Variants in CLVS1 observed in about 807,000 individuals in gnomAD.
CLVS1 encodes the protein clavesin-1.
Under a neutral mutation model 33.1 loss-of-function variants are expected in CLVS1, and 10 were observed. The observed-to-expected ratio is 0.30, with a 90% confidence interval of 0.19 to 0.51. CLVS1 has a LOEUF of 0.51. CLVS1 is among the 20% of genes least tolerant of loss of function. The probability of loss-of-function intolerance (pLI) is 0.97; values close to 1 mark genes in which losing one functional copy is unlikely to be tolerated. For missense variants in CLVS1, 343 were observed against 433.4 expected (o/e 0.79, Z 1.85); for synonymous variants, 163 against 166.1 (o/e 0.98, Z 0.14).
chr8:60,987,145 G>A, the CLVS1 span, among the ~76,000 whole-genome samples: 51 of 152,218 alleles, frequency 3.4e-4, no homozygotes, highest in Non-Finnish European at 8.8e-5. Flanking sequence ...AACGTGATGA[G>A]CGCTGTGATA....
chr8:61,357,483 C>CTTTTTGTTTTGTTTTT, intron 2 of CLVS1, among the ~76,000 whole-genome samples: 1 of 71,502 alleles, frequency 1.4e-5, no homozygotes, highest in South Asian at 5.4e-4. Flanking sequence ...TTTTTCTTTC[C>CTTTTTGTTTTGTTTTT]TTTTTCTTTT....
the CLVS1 span, among the ~76,000 whole-genome samples, chr8:61,036,515 C>T: frequency 1.3e-5 from 2 of 152,202 alleles, no homozygotes; most frequent in African/African-American, 4.8e-5. Flanking sequence ...GGGGCCAAAT[C>T]GTTGACTATG....
chr8:61,495,570 T>C lies in CLVS1; in HGVS notation c.978-3885T>C, dbSNP rs149442709. On this transcript the variant is annotated intron_variant, in intron 5 of 5. Coordinates refer to ENST00000325897, the MANE Select transcript of CLVS1 (RefSeq NM_173519.3). ...TAACAAATTTCAAGATCCAAAAGGA[T>C]GGAGATAGATTGGAAACATGAGGCA... Among the ~76,000 whole-genome samples, 84 of 152,212 alleles carry C rather than the reference T, an allele frequency of 5.5e-4. 1 individual carries two copies. Among genetic ancestry groups the C allele is most frequent in the African/African-American group, 1.9e-3 (80 of 41,532 alleles).
chr8:61,102,675 A>G (rs368957300), intron 1 of CLVS1, among the ~76,000 whole-genome samples: 1 of 152,204 alleles, frequency 6.6e-6, no homozygotes, highest in East Asian at 1.9e-4. Context: ...CATGACCCTC[A>G]CAAGTTCTTC....
At chr8:60,994,126 G>A in the CLVS1 span, among the ~76,000 whole-genome samples, 1 of 152,184 alleles carries the variant, frequency 6.6e-6, no homozygotes, top group African/African-American at 2.4e-5. Context: ...GGTGTCAGCA[G>A]CATTGGTGTC....
chr8:61,220,779 T>C (rs1808192938), intron 2 of CLVS1, among the ~76,000 whole-genome samples: 1 of 152,212 alleles, frequency 6.6e-6, no homozygotes, highest in African/African-American at 2.4e-5. Context: ...ATATTGATTC[T>C]TCCTATCCAT....
At chr8:60,992,578 T>C in the CLVS1 span, among the ~76,000 whole-genome samples, 3 of 151,896 alleles carry the variant, frequency 2.0e-5, no homozygotes, top group African/African-American at 7.2e-5. Context: ...CCTTCAGGAG[T>C]TTATTCAAAA....
intron 2 of CLVS1, among the ~76,000 whole-genome samples, chr8:61,374,017 C>A (rs1403988456): frequency 2.6e-5 from 4 of 152,174 alleles, no homozygotes; most frequent in Non-Finnish European, 5.9e-5. Flanking sequence ...GTGGTAACAT[C>A]TGAAGTCTCT....
chr8:61,471,020 C>T (rs1347882275), intron 5 of CLVS1, among the ~76,000 whole-genome samples: 1 of 152,220 alleles, frequency 6.6e-6, no homozygotes, highest in Non-Finnish European at 1.5e-5. Context: ...CTCCAGGGCT[C>T]CACGTACACA....
intron 1 of CLVS1, among the ~76,000 whole-genome samples, chr8:61,123,226 A>G (rs1188115300): frequency 6.9e-6 from 1 of 143,976 alleles, no homozygotes; most frequent in Non-Finnish European, 1.5e-5. Context: ...CCGAGATCGC[A>G]CCATTGCACT....
chr8:61,059,484 A>G (rs1447292003), intron 1 of CLVS1, among the ~76,000 whole-genome samples: 2 of 100,862 alleles, frequency 2.0e-5, no homozygotes, highest in Non-Finnish European at 4.1e-5. Context: ...ACATATATAT[A>G]TATATATATA....
At chr8:61,461,763 G>A (rs919773600) in intron 5 of CLVS1, among the ~76,000 whole-genome samples, 1 of 152,024 alleles carries the variant, frequency 6.6e-6, no homozygotes, top group Non-Finnish European at 1.5e-5. Flanking sequence ...GTAGTTGGTG[G>A]GTATGTGCCT....
intron 2 of CLVS1, among the ~76,000 whole-genome samples, chr8:61,266,251 T>G (rs1037895115): frequency 6.6e-6 from 1 of 152,084 alleles, no homozygotes; most frequent in Non-Finnish European, 1.5e-5. Flanking sequence ...CTCCCTTGTT[T>G]ACTTGTGACA....
chr8:61,365,938 G>A (rs958684554), intron 2 of CLVS1, among the ~76,000 whole-genome samples: 2 of 152,114 alleles, frequency 1.3e-5, no homozygotes, highest in Admixed American at 6.5e-5. Context: ...CAAAACGGAA[G>A]TGCTTAAACC....
intron 2 of CLVS1, among the ~76,000 whole-genome samples, chr8:61,317,812 T>G (rs1228037606): frequency 1.3e-5 from 2 of 152,194 alleles, no homozygotes; most frequent in Non-Finnish European, 2.9e-5. Context: ...GACTCTGAAC[T>G]CTCCTATCTT....
the CLVS1 span, among the ~76,000 whole-genome samples, chr8:60,987,584 C>G: frequency 6.6e-6 from 1 of 152,106 alleles, no homozygotes; most frequent in African/African-American, 2.4e-5. Flanking sequence ...TGATATCTTT[C>G]AATAGTTAAC....
intron 3 of CLVS1, among the ~76,000 whole-genome samples, chr8:61,447,436 T>C (rs1431032208): frequency 6.6e-6 from 1 of 151,974 alleles, no homozygotes; most frequent in Non-Finnish European, 1.5e-5. Context: ...CTATTTGTTC[T>C]TTCTGTTCTG....
At chr8:61,322,601 A>C (rs1184562577) in intron 2 of CLVS1, among the ~76,000 whole-genome samples, 1 of 152,140 alleles carries the variant, frequency 6.6e-6, no homozygotes, top group Admixed American at 6.6e-5. Flanking sequence ...ACTTTCTCTT[A>C]TTAAGTAATA....
At chr8:61,110,471 A>C (rs1805606664) in intron 1 of CLVS1, among the ~76,000 whole-genome samples, 2 of 152,138 alleles carry the variant, frequency 1.3e-5, no homozygotes, top group Admixed American at 1.3e-4. Flanking sequence ...CCCCTTTCCT[A>C]TGATTAAGAC....
Sources: allele counts gnomAD v4.1 joint callset (sites outside exome capture counted in the v4.1 genomes callset), GRCh38; gene constraint gnomAD v4.1.1; transcripts MANE v1.5; gene names NCBI Gene and HGNC (gene_info 2026-07-23, HGNC 2026-07-21).